Variants in RGS6 observed in about 807,000 individuals in gnomAD.
The protein encoded by RGS6 is regulator of G-protein signaling 6.
A neutral mutation model predicts 78.5 loss-of-function variants in RGS6; 30 were observed. The observed-to-expected ratio is 0.38, with a 90% CI of 0.29 to 0.52. The LOEUF is 0.52. RGS6 is among the 20% of genes least tolerant of loss of function. RGS6 has a pLI of 0.85. For synonymous variants in RGS6, 206 were observed against 206.0 expected (o/e 1.00, Z 0.00); for missense variants, 495 against 609.7 (o/e 0.81, Z 1.98).
chr14:72,430,412 C>T lies in RGS6; in HGVS notation c.185-24116C>T, dbSNP rs550276791. ...CAAGAATGTTATGGCTGATCAAGGA[C>T]TCTCCTTTGAGGGTGGGAAGAAACT... On this transcript the variant is annotated intron_variant, in intron 3 of 17. Coordinates refer to ENST00000553525, the MANE Select transcript of RGS6 (RefSeq NM_001204424.2). Among the ~76,000 whole-genome samples the T allele has an allele frequency of 5.9e-5, 9 of 152,322 alleles. 1 individual carries two copies. The South Asian group carries it at 1.5e-3, about 25-fold the overall frequency.
intron 2 of RGS6, among the ~76,000 whole-genome samples, chr14:72,009,659 C>A (rs1733706178): frequency 6.6e-6 from 1 of 152,204 alleles, no homozygotes; most frequent in Non-Finnish European, 1.5e-5. Context: ...CAACCCAGAG[C>A]TCCTGAGCTA....
chr14:72,517,951 T>C (rs1177200004), intron 14 of RGS6, among the ~76,000 whole-genome samples: 1 of 152,136 alleles, frequency 6.6e-6, no homozygotes, highest in Non-Finnish European at 1.5e-5. Context: ...TTGTCATAAC[T>C]TGGGAAGGGG....
At chr14:71,892,902 C>T in the RGS6 span, among the ~76,000 whole-genome samples, 1 of 152,108 alleles carries the variant, frequency 6.6e-6, no homozygotes, top group Non-Finnish European at 1.5e-5. Flanking sequence ...AATAGTGTAA[C>T]GAGATAATAA....
intron 2 of RGS6, among the ~76,000 whole-genome samples, chr14:71,972,636 C>A (rs551713846): frequency 6.6e-6 from 1 of 151,712 alleles, no homozygotes; most frequent in African/African-American, 2.4e-5. Flanking sequence ...AATGGGTGAT[C>A]GATGTGGAAG....
chr14:72,045,517 A>AT (rs1430824736), intron 2 of RGS6, among the ~76,000 whole-genome samples: 1 of 152,138 alleles, frequency 6.6e-6, no homozygotes, highest in Non-Finnish European at 1.5e-5. Flanking sequence ...CTCCTCAGAT[A>AT]GAGTTTGCAT....
intron 13 of RGS6, among the ~76,000 whole-genome samples, chr14:72,495,724 C>T (rs1021935315): frequency 3.9e-5 from 6 of 152,128 alleles, no homozygotes; most frequent in African/African-American, 1.4e-4. Flanking sequence ...TGAACTTGCC[C>T]AAGGTCATAC....
rs115283289 is a variant in RGS6 at position 72,476,142 on chromosome 14, A to G, written c.694-600A>G. 9.2e-4 allele frequency among the ~76,000 whole-genome samples: 140 copies of G among 152,328 alleles called. 1 individual carries two copies. Among genetic ancestry groups the G allele is most frequent in the African/African-American group, 3.3e-3 (139 of 41,578 alleles). ...TTAGTCTTTCCGTAATACGAGGAAC[A>G]GCTTTAAATGTAGCTATAGCTACGG... On this transcript the variant is annotated intron_variant, in intron 10 of 17. Transcript: ENST00000553525.
chr14:72,375,662 A>C (rs775103968), intron 3 of RGS6, among the ~76,000 whole-genome samples: 9 of 152,218 alleles, frequency 5.9e-5, no homozygotes, highest in Non-Finnish European at 1.2e-4. Context: ...CTCCAATCTG[A>C]GCAACAGCTC....
Position 72,399,069 on chromosome 14 carries a change from C to T in RGS6, c.184+46875C>T, listed in dbSNP as rs543485577. 2.0e-3 allele frequency among the ~76,000 whole-genome samples: 303 copies of T among 151,152 alleles called. 1 individual carries two copies. The highest frequency in any genetic ancestry group is 6.9e-3 in the African/African-American group (281 of 40,880). The stretch of plus-strand genomic sequence containing the variant: ...GAGTTCTGTAGATGTCTATTAGGTC[C>T]GCTTGGTGCAGACCTGAGTTCAATT... On this transcript the variant is annotated intron_variant, in intron 3 of 17. Coordinates refer to ENST00000553525, the MANE Select transcript of RGS6 (RefSeq NM_001204424.2).
Position 72,062,345 on chromosome 14 carries a change from T to G in RGS6, c.84+97470T>G, listed in dbSNP as rs1442322243. On this transcript the variant is annotated intron_variant, in intron 2 of 17. Transcript: ENST00000553525. ...TGGGTAGGAGATGAAGCCAGAGACG[T>G]GGTCAAGAGCCACAGAACCAGGGCC... Among the ~76,000 whole-genome samples, 5 of 152,100 alleles carry G rather than the reference T, an allele frequency of 3.3e-5. 1 individual carries two copies. The East Asian group carries it at 7.7e-4, about 24-fold the overall frequency.
chr14:72,509,561 A>G (rs947874847), intron 13 of RGS6, among the ~76,000 whole-genome samples: 17 of 152,228 alleles, frequency 1.1e-4, no homozygotes, highest in Non-Finnish European at 2.1e-4. Flanking sequence ...TAACAGATGT[A>G]AAATGCTTGA....
chr14:72,255,462 A>G lies in RGS6; in HGVS notation c.85-96633A>G, dbSNP rs112419516. 4.8e-3 allele frequency among the ~76,000 whole-genome samples: 734 copies of G among 152,320 alleles called. 10 individuals carry two copies. Among genetic ancestry groups the G allele is most frequent in the Non-Finnish European group, 3.3e-3 (223 of 68,030 alleles). On this transcript the variant is annotated intron_variant, in intron 2 of 17. Coordinates refer to ENST00000553525, the MANE Select transcript of RGS6 (RefSeq NM_001204424.2). Reference sequence around the variant, plus strand: ...CTGGGGGTTTGTACCTACCACAGTTATTCCTTACATTTATGTTTCATTTTG... The same window carrying G: ...CTGGGGGTTTGTACCTACCACAGTTGTTCCTTACATTTATGTTTCATTTTG...
intron 16 of RGS6, chr14:72,537,472 C>T (rs1354944673): frequency 2.8e-6 from 2 of 702,170 alleles, no homozygotes; most frequent in Non-Finnish European, 5.2e-6. Context: ...TCTGGGGTAT[C>T]CCAGTTGTCA....
intron 2 of RGS6, among the ~76,000 whole-genome samples, chr14:72,107,909 T>C (rs1344085175): frequency 1.3e-5 from 2 of 152,222 alleles, no homozygotes; most frequent in Non-Finnish European, 2.9e-5. Context: ...TAAAACATTT[T>C]TGTGCATATG....
intron 2 of RGS6, among the ~76,000 whole-genome samples, chr14:72,193,393 C>T (rs1290533133): frequency 6.6e-6 from 1 of 152,206 alleles, no homozygotes; most frequent in Admixed American, 6.5e-5. Context: ...GAGGACACAT[C>T]CCTTCCCCAT....
chr14:72,160,039 A>G (rs980663405), intron 2 of RGS6, among the ~76,000 whole-genome samples: 1 of 152,250 alleles, frequency 6.6e-6, no homozygotes, highest in Non-Finnish European at 1.5e-5. Context: ...ATTGTGAGCT[A>G]CTTTATGGGT....
chr14:72,026,815 A>G (rs898000432), intron 2 of RGS6, among the ~76,000 whole-genome samples: 45 of 152,224 alleles, frequency 3.0e-4, no homozygotes, highest in Non-Finnish European at 5.9e-5. Context: ...GTTATTTGAA[A>G]AAACAAGCAC....
intron 2 of RGS6, among the ~76,000 whole-genome samples, chr14:72,257,281 C>T (rs2108466): frequency 0.56 from 85,251 of 152,028 alleles, 24,349 homozygotes; most frequent in African/African-American, 0.66. Flanking sequence ...AAAGCAGGCT[C>T]ATTATTTCCA....
chr14:72,295,420 C>T (rs1467132952), intron 2 of RGS6, among the ~76,000 whole-genome samples: 1 of 152,092 alleles, frequency 6.6e-6, no homozygotes. Flanking sequence ...CTCAGTAACC[C>T]CCTCCCCAGA....
Sources: gnomAD v4.1 joint callset for allele counts (sites outside exome capture counted in the v4.1 genomes callset) on GRCh38, gnomAD v4.1.1 for gene constraint, MANE v1.5 for transcripts, NCBI Gene and HGNC (gene_info 2026-07-23, HGNC 2026-07-21) for gene names.